Variants in RIMS2 observed in about 807,000 individuals in gnomAD.
RIMS2 encodes regulating synaptic membrane exocytosis protein 2.
In RIMS2, 59 loss-of-function variants were observed where a neutral mutation model predicts 174.4. The ratio of observed to expected loss-of-function variants is 0.34; its 90% CI spans 0.27 to 0.42. The LOEUF is 0.42. Among genes scored for constraint, RIMS2 ranks in the 10% least tolerant of loss-of-function variants. RIMS2 has a pLI of 1.00. For synonymous variants in RIMS2, 606 were observed against 572.5 expected, an observed-to-expected ratio of 1.06 and a Z score of -0.84; for missense variants, 1,620 against 1,666.3, an observed-to-expected ratio of 0.97 and a Z score of 0.48.
At chr8:103,643,990 A>G (rs887964969) in intron 1 of RIMS2, among the ~76,000 whole-genome samples, 1 of 152,118 alleles carries the variant, frequency 6.6e-6, no homozygotes, top group African/African-American at 2.4e-5. Context: ...CCTTGTTAAA[A>G]TACAGAGCTT....
chr8:104,244,967 G>T, exon 20 of RIMS2: 1 of 1,613,890 alleles, frequency 6.2e-7, no homozygotes, highest in Non-Finnish European at 8.5e-7. Flanking sequence ...ACAGAAACAG[G>T]CCTGGCCGTG....
At chr8:103,921,002 GCAACAACAA>G (rs112922890) in intron 9 of RIMS2, 64,781 of 196,590 alleles carry the variant, frequency 0.33, 12,432 homozygotes, top group Non-Finnish European at 0.42. Context: ...CTGTCTCAAA[GCAACAACAA>G]CAACAACAAC....
exon 24 of RIMS2, chr8:104,251,840 G>A (rs776346009): frequency 1.6e-6 from 2 of 1,245,212 alleles, no homozygotes; most frequent in Middle Eastern, 2.2e-4. Context: ...AAAAATTGTT[G>A]TCACAGCAAC....
intron 19 of RIMS2, among the ~76,000 whole-genome samples, chr8:104,199,100 C>T (rs550776814): frequency 5.3e-5 from 8 of 152,022 alleles, no homozygotes; most frequent in Admixed American, 2.6e-4. Flanking sequence ...CTCTCTTTGT[C>T]GCTCAGGCTG....
At chr8:103,984,533 A>G (rs1189614106) in intron 16 of RIMS2, among the ~76,000 whole-genome samples, 3 of 152,192 alleles carry the variant, frequency 2.0e-5, no homozygotes, top group African/African-American at 7.2e-5. Context: ...AAAATGGCTT[A>G]TATCCTAAAA....
intron 3 of RIMS2, among the ~76,000 whole-genome samples, chr8:103,831,465 G>A (rs1428283125): frequency 6.6e-6 from 1 of 152,124 alleles, no homozygotes. Flanking sequence ...TTGTGTAACT[G>A]AATAGTCCAA....
intron 19 of RIMS2, among the ~76,000 whole-genome samples, chr8:104,181,677 A>G (rs781444626): frequency 1.3e-4 from 20 of 151,714 alleles, no homozygotes; most frequent in Admixed American, 2.6e-4. Flanking sequence ...TTTGAACTCT[A>G]AGGGGAAAAG....
chr8:104,178,728 G>A (rs1661746003), intron 19 of RIMS2, among the ~76,000 whole-genome samples: 1 of 151,872 alleles, frequency 6.6e-6, no homozygotes, highest in South Asian at 2.1e-4. Context: ...GATACTACAT[G>A]CTTTAGTGAG....
At chr8:104,067,891 T>A (rs2097132450) in intron 19 of RIMS2, among the ~76,000 whole-genome samples, 1 of 152,190 alleles carries the variant, frequency 6.6e-6, no homozygotes, top group Non-Finnish European at 1.5e-5. Flanking sequence ...ATTCTAATTT[T>A]TTTTATAAAA....
intron 19 of RIMS2, among the ~76,000 whole-genome samples, chr8:104,129,244 C>CGT (rs1289332262): frequency 6.6e-6 from 1 of 151,616 alleles, no homozygotes; most frequent in Non-Finnish European, 1.5e-5. Context: ...AAAGTAGCCA[C>CGT]GTGTGGCAGT....
chr8:103,925,703 A>G (rs1386170863), intron 10 of RIMS2, among the ~76,000 whole-genome samples: 4 of 151,574 alleles, frequency 2.6e-5, no homozygotes, highest in Non-Finnish European at 5.9e-5. Flanking sequence ...TGCCATCCCT[A>G]TCTGAAATAT....
chr8:103,593,405 G>C (rs1304623755), intron 1 of RIMS2, among the ~76,000 whole-genome samples: 4 of 151,542 alleles, frequency 2.6e-5, no homozygotes, highest in Non-Finnish European at 5.9e-5. Context: ...ATGTAACAGA[G>C]TACAGAAAGT....
chr8:103,980,329 G>A (rs1052982683), intron 16 of RIMS2, among the ~76,000 whole-genome samples: 2 of 152,066 alleles, frequency 1.3e-5, no homozygotes, highest in African/African-American at 4.8e-5. Context: ...ACAAACATGG[G>A]CTAAAAGGAA....
chr8:103,753,657 G>T (rs1272604269), intron 2 of RIMS2, among the ~76,000 whole-genome samples: 3 of 152,154 alleles, frequency 2.0e-5, no homozygotes, highest in African/African-American at 7.2e-5. Flanking sequence ...TTAGTCTTGG[G>T]AGGGTGTATG....
chr8:104,140,649 C>T (rs533528098), intron 19 of RIMS2, among the ~76,000 whole-genome samples: 2 of 152,178 alleles, frequency 1.3e-5, no homozygotes, highest in Admixed American at 6.5e-5. Flanking sequence ...TGTATTCTTC[C>T]TTTTTGTCAA....
At chr8:103,688,917 C>T (rs915328875) in intron 1 of RIMS2, among the ~76,000 whole-genome samples, 6 of 151,898 alleles carry the variant, frequency 4.0e-5, no homozygotes, top group South Asian at 2.1e-4. Flanking sequence ...TTCTTCTTTT[C>T]GTAGTTTCTT....
At chr8:104,093,878 A>C (rs1014995422) in intron 19 of RIMS2, among the ~76,000 whole-genome samples, 1 of 152,060 alleles carries the variant, frequency 6.6e-6, no homozygotes. Flanking sequence ...CACTGGAAAT[A>C]ATATCTTTTT....
intron 19 of RIMS2, among the ~76,000 whole-genome samples, chr8:104,017,083 A>C (rs999566833): frequency 6.6e-6 from 1 of 151,976 alleles, no homozygotes; most frequent in East Asian, 1.9e-4. Flanking sequence ...ATGATTTTTT[A>C]AAGTGTTTTT....
intron 1 of RIMS2, among the ~76,000 whole-genome samples, chr8:103,594,891 A>G (rs7813485): frequency 0.19 from 29,417 of 151,724 alleles, 3,039 homozygotes; most frequent in Middle Eastern, 0.3. Flanking sequence ...GAGAAAGTCC[A>G]TGAAACCTGG....
Sources: allele counts gnomAD v4.1 joint callset (sites outside exome capture counted in the v4.1 genomes callset), GRCh38; gene constraint gnomAD v4.1.1; transcripts MANE v1.5; gene names NCBI Gene and HGNC (gene_info 2026-07-23, HGNC 2026-07-21).